DDAH1: variants seen among roughly 807,000 people sequenced by gnomAD.
DDAH1 encodes dimethylarginine dimethylaminohydrolase 1, also known as N(G),N(G)-dimethylarginine dimethylaminohydrolase 1.
Under a neutral mutation model 28.8 loss-of-function variants are expected in DDAH1, and 19 were observed. The observed-to-expected ratio is 0.66, with a 90% CI of 0.46 to 0.97. The LOEUF is 0.97. Ranked by LOEUF, DDAH1 falls within the 50% of genes least tolerant of loss-of-function variation. The pLI is 0.00. For synonymous variants in DDAH1, 153 were observed against 154.4 expected (o/e 0.99, Z 0.07); for missense variants, 326 against 375.9 (o/e 0.87, Z 1.10).
chr1:85,393,780 T>C (rs1651675591), intron 1 of DDAH1, among the ~76,000 whole-genome samples: 1 of 152,222 alleles, frequency 6.6e-6, no homozygotes, highest in Non-Finnish European at 1.5e-5. Flanking sequence ...GTAAATTTTC[T>C]ACATTGTCTC....
intron 2 of DDAH1, among the ~76,000 whole-genome samples, chr1:85,475,639 T>A (rs1191166725): frequency 3.3e-5 from 5 of 152,184 alleles, no homozygotes; most frequent in Non-Finnish European, 7.4e-5. Flanking sequence ...CACTGTCAGA[T>A]TATTTCCCCA....
intron 2 of DDAH1, chr1:85,494,053 G>A (rs1032317897): frequency 6.6e-6 from 1 of 152,170 alleles, no homozygotes; most frequent in Non-Finnish European, 1.5e-5. Flanking sequence ...AATGTAGAAG[G>A]TCATATCTGA....
intron 1 of DDAH1, among the ~76,000 whole-genome samples, chr1:85,400,325 G>T (rs748666163): frequency 1.3e-5 from 2 of 151,172 alleles, no homozygotes; most frequent in Non-Finnish European, 2.9e-5. Flanking sequence ...CTGAGTAGCT[G>T]GGATTACAGG....
intron 1 of DDAH1, among the ~76,000 whole-genome samples, chr1:85,552,346 C>G (rs1658819010): frequency 6.6e-6 from 1 of 152,190 alleles, no homozygotes; most frequent in South Asian, 2.1e-4. Context: ...AACCTGGTTT[C>G]TCAACGGCTA....
intron 1 of DDAH1, among the ~76,000 whole-genome samples, chr1:85,570,174 C>G (rs1659410206): frequency 2.6e-5 from 4 of 152,064 alleles, no homozygotes; most frequent in Admixed American, 2.6e-4. Context: ...TAACCTGAGC[C>G]GCACCATAGC....
chr1:85,508,814 C>T (rs1657120025), intron 1 of DDAH1, among the ~76,000 whole-genome samples: 1 of 152,204 alleles, frequency 6.6e-6, no homozygotes, highest in Non-Finnish European at 1.5e-5. Flanking sequence ...ACAAAGCGGC[C>T]AAGAAGCTCG....
intron 4 of DDAH1, among the ~76,000 whole-genome samples, chr1:85,335,654 C>T (rs537770974): frequency 6.6e-6 from 1 of 152,024 alleles, no homozygotes; most frequent in Admixed American, 6.6e-5. Flanking sequence ...ACTGAAGCAC[C>T]CAGATATAAA....
chr1:85,461,965 C>A (rs1047932334), intron 1 of DDAH1, among the ~76,000 whole-genome samples: 1 of 152,112 alleles, frequency 6.6e-6, no homozygotes, highest in African/African-American at 2.4e-5. Context: ...TAACCCTGGC[C>A]AATTTATTTA....
chr1:85,540,960 TAAAAAAAAA>T lies in DDAH1; in HGVS notation c.-123+37015_-123+37023del, dbSNP rs140965112. ...GGGTGAAAGAGCGAGACTCAGTATC[TAAAAAAAAA>T]AAAAAAAAAAAAAATGTATATCTAT... On this transcript the variant is annotated intron_variant, in intron 1 of 6. Coordinates refer to the DDAH1 transcript ENST00000426972. 9.4e-5 allele frequency among the ~76,000 whole-genome samples: 10 copies of T among 106,672 alleles called. No individual in the cohort carries two copies. In the Admixed American group the frequency reaches 1.0e-3, roughly 11 times the overall value. The allele number at this position is 106,672 out of a possible 152,430, so 70.0% of individuals were successfully genotyped here. A position where few individuals can be genotyped will look rare whatever the true frequency, so the allele number is the denominator to read the frequency against.
At chr1:85,577,252 G>C (rs1659639801) in intron 1 of DDAH1, among the ~76,000 whole-genome samples, 1 of 152,130 alleles carries the variant, frequency 6.6e-6, no homozygotes, top group Non-Finnish European at 1.5e-5. Flanking sequence ...TCCGCGCGTC[G>C]GCCACCCAGT....
intron 1 of DDAH1, among the ~76,000 whole-genome samples, chr1:85,531,524 GC>G (rs1658091367): frequency 1.3e-5 from 2 of 152,016 alleles, no homozygotes; most frequent in African/African-American, 4.8e-5. Context: ...TTTACCATGT[GC>G]TTTTCACACT....
chr1:85,404,420 T>C, intron 1 of DDAH1: 3 of 1,534,358 alleles, frequency 2.0e-6, no homozygotes, highest in Non-Finnish European at 1.7e-6. Context: ...AGAACTGCTT[T>C]TGGGAAGCAG....
upstream of DDAH1, among the ~76,000 whole-genome samples, chr1:85,467,855 G>T (rs1291560531): frequency 6.6e-6 from 1 of 152,204 alleles, no homozygotes; most frequent in Non-Finnish European, 1.5e-5. Flanking sequence ...TCCTTACCTT[G>T]AAGAGCTCAC....
intron 4 of DDAH1, among the ~76,000 whole-genome samples, chr1:85,344,627 T>A (rs1648728612): frequency 6.6e-6 from 1 of 151,268 alleles, no homozygotes; most frequent in Non-Finnish European, 1.5e-5. Context: ...AGAAAATTTT[T>A]TTTTCTCCAA....
At chr1:85,499,700 C>T (rs1207758004) in intron 1 of DDAH1, among the ~76,000 whole-genome samples, 3 of 151,954 alleles carry the variant, frequency 2.0e-5, no homozygotes, top group Non-Finnish European at 4.4e-5. Context: ...GAATTGTTAC[C>T]ATTTAGAGAG....
intron 1 of DDAH1, among the ~76,000 whole-genome samples, chr1:85,513,432 C>T (rs201743440): frequency 1.3e-5 from 2 of 152,060 alleles, no homozygotes; most frequent in African/African-American, 2.4e-5. Context: ...ATTCAGGACA[C>T]AGGCATGGGC....
At chr1:85,444,006 T>G (rs1470482966) in intron 1 of DDAH1, among the ~76,000 whole-genome samples, 4 of 152,202 alleles carry the variant, frequency 2.6e-5, no homozygotes, top group Non-Finnish European at 4.4e-5. Flanking sequence ...TACCCTTTAT[T>G]TCTTTCTCCT....
chr1:85,388,648 A>G (rs767484768), intron 1 of DDAH1, among the ~76,000 whole-genome samples: 4 of 152,214 alleles, frequency 2.6e-5, no homozygotes, highest in Non-Finnish European at 4.4e-5. Context: ...AAATGTCATT[A>G]TAACAACCCA....
chr1:85,404,497 G>T, intron 1 of DDAH1: 2 of 1,488,272 alleles, frequency 1.3e-6, no homozygotes, highest in South Asian at 1.3e-5. Context: ...AGAACAGTCT[G>T]ACCCGGATTG....
Sources: allele counts gnomAD v4.1 joint callset (sites outside exome capture counted in the v4.1 genomes callset), GRCh38; gene constraint gnomAD v4.1.1; transcripts MANE v1.5; gene names NCBI Gene and HGNC (gene_info 2026-07-23, HGNC 2026-07-21).